Variants in RALGAPB observed in about 807,000 individuals in gnomAD.
RALGAPB encodes the protein ral GTPase-activating protein subunit beta.
A neutral mutation model predicts 161.1 loss-of-function variants in RALGAPB; 25 were observed. That is an observed-to-expected ratio of 0.16 (90% confidence interval 0.11 to 0.22). The LOEUF is 0.22. Ranked by LOEUF, RALGAPB falls within the 10% of genes least tolerant of loss-of-function variation. The probability of loss-of-function intolerance (pLI) is 1.00; values close to 1 mark genes in which losing one functional copy is unlikely to be tolerated. For synonymous variants in RALGAPB, 629 were observed against 626.1 expected (o/e 1.00, Z -0.07); for missense variants, 1,391 against 1,815.2 (o/e 0.77, Z 4.25).
chr20:38,565,942 T>A (rs2087981056), intron 25 of RALGAPB, among the ~76,000 whole-genome samples: 1 of 152,184 alleles, frequency 6.6e-6, no homozygotes, highest in Non-Finnish European at 1.5e-5. Flanking sequence ...AAGATGGTGG[T>A]CCAAGACTTT....
intron 16 of RALGAPB, among the ~76,000 whole-genome samples, chr20:38,537,529 G>A (rs2086844232): frequency 1.3e-5 from 2 of 152,088 alleles, no homozygotes; most frequent in African/African-American, 4.8e-5. Flanking sequence ...TGTGACCTTG[G>A]GATAGATTTC....
At chr20:38,483,043 C>T (rs529532796) in intron 1 of RALGAPB, among the ~76,000 whole-genome samples, 4 of 152,312 alleles carry the variant, frequency 2.6e-5, no homozygotes, top group South Asian at 4.1e-4. Flanking sequence ...TGTGCCACCA[C>T]GCCTGGCTAA....
At chr20:38,555,393 A>AT (rs11476400) in intron 22 of RALGAPB, among the ~76,000 whole-genome samples, 20 of 151,806 alleles carry the variant, frequency 1.3e-4, no homozygotes, top group African/African-American at 3.6e-4. Flanking sequence ...GTATTTTTGT[A>AT]TTTTTTTTGT....
At chr20:38,571,328 T>C (rs766720945) in intron 28 of RALGAPB, among the ~76,000 whole-genome samples, 5 of 152,304 alleles carry the variant, frequency 3.3e-5, no homozygotes, top group East Asian at 1.9e-4. Flanking sequence ...TTAGGACTTA[T>C]CCTGCATAAC....
intron 22 of RALGAPB, among the ~76,000 whole-genome samples, chr20:38,556,143 A>C (rs2087579183): frequency 6.6e-6 from 1 of 152,182 alleles, no homozygotes; most frequent in African/African-American, 2.4e-5. Context: ...AGATTCCTCT[A>C]ATGAAACCCA....
intron 1 of RALGAPB, among the ~76,000 whole-genome samples, chr20:38,479,123 A>G (rs2084890703): frequency 6.6e-6 from 1 of 152,142 alleles, no homozygotes; most frequent in South Asian, 2.1e-4. Flanking sequence ...CTACTGTACC[A>G]TGGTGTCATC....
chr20:38,490,009 T>C (rs6070344), intron 2 of RALGAPB, among the ~76,000 whole-genome samples: 1 of 150,886 alleles, frequency 6.6e-6, no homozygotes, highest in African/African-American at 2.4e-5. Context: ...TCTGGAATTA[T>C]ACTTTTTTTT....
Position 38,525,909 on chromosome 20 carries a change from A to C in RALGAPB, c.1917A>C (p.Gly639=). ...TTTTTCCATAGGTGGTCCTGGAAGG[A>C]AAGTTTAGTAACGATGACAGCTCTT... ...GTVKSEVVLE[G]KFSNDDSSSY... The change falls in exon 13 of 30, where the codon GGA becomes GGC. Residue 639 remains glycine, a synonymous_variant. Transcript: ENST00000262879. The C allele has an allele frequency of 1.2e-6, 2 of 1,612,150 alleles. No individual in the cohort carries two copies. The highest frequency in any genetic ancestry group is 1.7e-6 in the Non-Finnish European group (2 of 1,179,534).
chr20:38,556,801 G>C (rs1161884615), intron 22 of RALGAPB, among the ~76,000 whole-genome samples: 1 of 152,064 alleles, frequency 6.6e-6, no homozygotes, highest in Admixed American at 6.5e-5. Context: ...CAGGTCCACA[G>C]TTCCTTTTCC....
chr20:38,553,844 A>G, intron 21 of RALGAPB, 23 bp from the exon 22 acceptor site: 1 of 1,557,096 alleles, frequency 6.4e-7, no homozygotes, highest in Non-Finnish European at 8.8e-7. Flanking sequence ...GTTTCAAAAA[A>G]TGAAATATTT....
rs757728236 is a variant in RALGAPB at position 38,535,253 on chromosome 20, T to C, written c.2379+46T>C. The C allele has an allele frequency of 8.8e-6, 14 of 1,598,484 alleles. 1 individual carries two copies. The highest frequency in any genetic ancestry group is 3.4e-5 in the Admixed American group (2 of 59,024). On this transcript the variant is annotated intron_variant, in intron 16 of 29. Coordinates refer to ENST00000262879, the MANE Select transcript of RALGAPB (RefSeq NM_020336.4). ...ATTTTAACCCAACAGCCTTGGGCCT[T>C]GGCTGTTTTTTCTGTATCTCTTAAC... is the stretch of plus-strand genomic sequence containing the variant.
intron 12 of RALGAPB, 108 bp from the exon 13 acceptor site, chr20:38,525,787 A>T: frequency 8.5e-7 from 1 of 1,172,082 alleles, no homozygotes; most frequent in South Asian, 1.5e-5. Context: ...CTAATATTAG[A>T]CTGAAAGCCT....
chr20:38,505,886 CA>C (rs1568921763), intron 5 of RALGAPB, among the ~76,000 whole-genome samples: 1 of 152,038 alleles, frequency 6.6e-6, no homozygotes, highest in South Asian at 2.1e-4. Flanking sequence ...TTATCACACC[CA>C]AAAAAGTTGA....
At chr20:38,545,870 A>T (rs1395919090) in intron 18 of RALGAPB, among the ~76,000 whole-genome samples, 1 of 152,216 alleles carries the variant, frequency 6.6e-6, no homozygotes, top group Non-Finnish European at 1.5e-5. Context: ...ATGGAATATG[A>T]GCTTGCTGTG....
intron 5 of RALGAPB, among the ~76,000 whole-genome samples, chr20:38,506,942 T>C (rs960762917): frequency 1.3e-5 from 2 of 152,212 alleles, no homozygotes; most frequent in Admixed American, 6.5e-5. Context: ...AACATGAATA[T>C]TATGAATCTA....
intron 5 of RALGAPB, among the ~76,000 whole-genome samples, chr20:38,508,643 T>C (rs1353715880): frequency 6.6e-6 from 1 of 152,200 alleles, no homozygotes; most frequent in Admixed American, 6.5e-5. Context: ...AAAACTCATG[T>C]ATCTTGTAAA....
At chr20:38,520,151 A>G (rs1328168491) in intron 9 of RALGAPB, 2 of 342,946 alleles carry the variant, frequency 5.8e-6, no homozygotes, top group Non-Finnish European at 8.2e-6. Context: ...AAAGCTTCTT[A>G]ATTTATTGTA....
At chr20:38,550,203 G>C (rs1360026256) in intron 20 of RALGAPB, among the ~76,000 whole-genome samples, 3 of 152,130 alleles carry the variant, frequency 2.0e-5, no homozygotes, top group African/African-American at 7.2e-5. Context: ...TAGATGACGA[G>C]TTAGTGGGTG....
intron 16 of RALGAPB, among the ~76,000 whole-genome samples, chr20:38,537,314 T>G (rs560953779): frequency 6.6e-6 from 1 of 152,212 alleles, no homozygotes; most frequent in South Asian, 2.1e-4. Flanking sequence ...GCCAAAAAAT[T>G]TTGATTCATA....
Sources: allele counts gnomAD v4.1 joint callset (sites outside exome capture counted in the v4.1 genomes callset), GRCh38; gene constraint gnomAD v4.1.1; transcripts MANE v1.5; gene names NCBI Gene and HGNC (gene_info 2026-07-23, HGNC 2026-07-21).